The following MTARC2 variants were observed in gnomAD, a reference collection of about 807,000 sequenced individuals.
MTARC2 encodes the protein MOCO sulphurase C-terminal domain containing 2.
MTARC2 carries 27 observed loss-of-function variants against 35.6 expected under a neutral mutation model. The observed-to-expected ratio is 0.76, with a 90% CI of 0.56 to 1.04. The LOEUF is 1.04. Among genes scored for constraint, MTARC2 ranks in the 50% least tolerant of loss-of-function variants. The pLI is 0.00. For missense variants in MTARC2, 412 were observed against 432.5 expected, an observed-to-expected ratio of 0.95 and a Z score of 0.42; for synonymous variants, 158 against 167.1, an observed-to-expected ratio of 0.95 and a Z score of 0.42.
intron 2 of MTARC2, among the ~76,000 whole-genome samples, chr1:220,757,150 C>G (rs935682167): frequency 1.3e-5 from 2 of 152,268 alleles, no homozygotes; most frequent in African/African-American, 4.8e-5. Context: ...GATCCACCTG[C>G]CTTGGCCTCC....
chr1:220,763,833 C>T (rs1324426110), intron 4 of MTARC2, among the ~76,000 whole-genome samples: 2 of 152,172 alleles, frequency 1.3e-5, no homozygotes, highest in East Asian at 3.9e-4. Flanking sequence ...TTACGATAAC[C>T]CTGTGAAATT....
chr1:220,750,290 A>G (rs1027112078), intron 1 of MTARC2, among the ~76,000 whole-genome samples: 2 of 152,228 alleles, frequency 1.3e-5, no homozygotes, highest in African/African-American at 4.8e-5. Flanking sequence ...AACTGGGAGA[A>G]CCAAATTCTC....
intron 4 of MTARC2, among the ~76,000 whole-genome samples, chr1:220,769,934 C>CAAAAAAAAA (rs57739324): frequency 0.018 from 1,098 of 61,910 alleles, 45 homozygotes; most frequent in African/African-American, 0.03. Context: ...ACTAAAAATA[C>CAAAAAAAAA]AAAAAAAAAA....
chr1:220,761,182 C>T (rs562856766), intron 2 of MTARC2, among the ~76,000 whole-genome samples: 1 of 152,234 alleles, frequency 6.6e-6, no homozygotes, highest in African/African-American at 2.4e-5. Context: ...CAATTTACAA[C>T]TGAAGACAGG....
chr1:220,775,292 T>G (rs984152408), intron 4 of MTARC2, among the ~76,000 whole-genome samples: 1 of 152,186 alleles, frequency 6.6e-6, no homozygotes, highest in Admixed American at 6.5e-5. Flanking sequence ...TGAACCCTTA[T>G]GTATAGTACT....
chr1:220,755,136 G>T lies in MTARC2; in HGVS notation c.446+16G>T. 2 of 1,585,474 alleles carry T rather than the reference G, an allele frequency of 1.3e-6. No individual in the cohort carries two copies. The highest frequency in any genetic ancestry group is 1.7e-6 in the Non-Finnish European group (2 of 1,166,498). On this transcript the variant is annotated intron_variant, in intron 2 of 7. Coordinates refer to ENST00000366913, the MANE Select transcript of MTARC2 (RefSeq NM_017898.5). ...ACAACTGCAGGTGTTCCGCTTGGGGGCATCCACAGAACTGCAACAGGCTTG... is the reference window on the plus strand; with the variant it reads ...ACAACTGCAGGTGTTCCGCTTGGGGTCATCCACAGAACTGCAACAGGCTTG...
At chr1:220,749,630 T>G (rs563816756) in intron 1 of MTARC2, among the ~76,000 whole-genome samples, 2 of 152,082 alleles carry the variant, frequency 1.3e-5, no homozygotes, top group African/African-American at 2.4e-5. Context: ...GGGGTTTCAC[T>G]CTGTTGACCA....
chr1:220,763,500 G>T (rs1176039616), intron 4 of MTARC2, among the ~76,000 whole-genome samples: 1 of 152,130 alleles, frequency 6.6e-6, no homozygotes, highest in Non-Finnish European at 1.5e-5. Context: ...CCATGCTGTG[G>T]CCTGAGTTCT....
At chr1:220,776,740 A>G (rs759509777) in intron 4 of MTARC2, among the ~76,000 whole-genome samples, 1 of 152,206 alleles carries the variant, frequency 6.6e-6, no homozygotes, top group Non-Finnish European at 1.5e-5. Flanking sequence ...CTGTCATAAT[A>G]ACGACGCAGA....
chr1:220,752,010 T>A (rs1013934535), intron 1 of MTARC2, among the ~76,000 whole-genome samples: 3 of 152,212 alleles, frequency 2.0e-5, no homozygotes, highest in African/African-American at 7.2e-5. Context: ...CTGTGATTGC[T>A]GTATTTGTCC....
chr1:220,752,861 T>C (rs1413966829), intron 1 of MTARC2, among the ~76,000 whole-genome samples: 1 of 151,018 alleles, frequency 6.6e-6, no homozygotes, highest in African/African-American at 2.4e-5. Context: ...TCTCTCTTGA[T>C]ATTAATTAAG....
At chr1:220,762,201 C>T (rs72472389) in intron 3 of MTARC2, among the ~76,000 whole-genome samples, 2,038 of 152,270 alleles carry the variant, frequency 0.013, 33 homozygotes, top group East Asian at 0.06. Flanking sequence ...TGTTCTGACC[C>T]GCCCCTCACA....
chr1:220,758,741 A>G (rs1179828022), intron 2 of MTARC2, among the ~76,000 whole-genome samples: 2 of 152,176 alleles, frequency 1.3e-5, no homozygotes, highest in South Asian at 2.1e-4. Context: ...TAAAAGGTGA[A>G]GCTAATGTTT....
At chr1:220,775,831 A>C (rs1671889991) in intron 4 of MTARC2, among the ~76,000 whole-genome samples, 1 of 145,222 alleles carries the variant, frequency 6.9e-6, no homozygotes, top group African/African-American at 2.8e-5. Flanking sequence ...CTCCAGCTCT[A>C]TCTATGTTGC....
chr1:220,762,629 G>A (rs997058711), intron 3 of MTARC2, among the ~76,000 whole-genome samples: 3 of 152,176 alleles, frequency 2.0e-5, no homozygotes, highest in Non-Finnish European at 4.4e-5. Context: ...ATGGGGGAAG[G>A]GGGTCGCTGC....
intron 4 of MTARC2, among the ~76,000 whole-genome samples, chr1:220,769,649 T>C (rs1671679963): frequency 6.6e-6 from 1 of 152,038 alleles, no homozygotes; most frequent in South Asian, 2.1e-4. Context: ...TCCCTGAGCA[T>C]GATTTTCTGA....
chr1:220,778,878 C>A (rs1671990827), intron 4 of MTARC2, among the ~76,000 whole-genome samples: 2 of 152,174 alleles, frequency 1.3e-5, no homozygotes, highest in South Asian at 2.1e-4. Context: ...TCTGTACAAA[C>A]CCTGTCAAGC....
intron 4 of MTARC2, among the ~76,000 whole-genome samples, chr1:220,765,168 T>A (rs1671547159): frequency 6.6e-6 from 1 of 152,082 alleles, no homozygotes; most frequent in Admixed American, 6.5e-5. Flanking sequence ...CCTATACTTG[T>A]GTGGATTGTG....
chr1:220,776,088 T>C (rs10863563), intron 4 of MTARC2, among the ~76,000 whole-genome samples: 3,621 of 152,326 alleles, frequency 0.024, 111 homozygotes, highest in African/African-American at 0.064. Context: ...TTTAAGTTCT[T>C]TGAGAAATCT....
Sources: allele counts gnomAD v4.1 joint callset (sites outside exome capture counted in the v4.1 genomes callset), GRCh38; gene constraint gnomAD v4.1.1; transcripts MANE v1.5; gene names NCBI Gene and HGNC (gene_info 2026-07-23, HGNC 2026-07-21).